Variants in MPDZ observed in about 807,000 individuals in gnomAD.
MPDZ encodes the protein multiple PDZ domain protein.
Under a neutral mutation model 239.1 loss-of-function variants are expected in MPDZ, and 234 were observed. That is an observed-to-expected ratio of 0.98 (90% confidence interval 0.88 to 1.09). The LOEUF (loss-of-function observed/expected upper bound fraction) is 1.09. MPDZ is among the 50% of genes least tolerant of loss of function. MPDZ has a pLI of 0.00. For synonymous variants in MPDZ, 1,048 were observed against 881.3 expected, an observed-to-expected ratio of 1.19 and a Z score of -3.35; for missense variants, 3,175 against 2,510.0, an observed-to-expected ratio of 1.26 and a Z score of -5.66.
At chr9:13,113,198 A>G (rs1942793572) in intron 41 of MPDZ, 144 bp from the exon 42 acceptor site, 1 of 655,404 alleles carries the variant, frequency 1.5e-6, no homozygotes, top group Admixed American at 3.0e-5. Context: ...AGTACACATG[A>G]TTAGATCTGT....
At chr9:13,192,430 C>A (rs549860576) in intron 14 of MPDZ, 135 bp from the exon 15 acceptor site, 2 of 708,012 alleles carry the variant, frequency 2.8e-6, no homozygotes, top group Admixed American at 3.0e-5. Context: ...TATAGTGAGA[C>A]CTGTGGAAAT....
chr9:13,170,586 T>C (rs566837991), intron 21 of MPDZ, among the ~76,000 whole-genome samples: 11 of 152,246 alleles, frequency 7.2e-5, no homozygotes, highest in African/African-American at 2.6e-4. Flanking sequence ...TTTGGTAAAA[T>C]AAAAATGTGT....
chr9:13,247,619 GTGAA>G lies in MPDZ; in HGVS notation c.183+12_183+15del, dbSNP rs1966842067. The G allele has an allele frequency of 6.3e-7, 1 of 1,599,880 alleles. No homozygotes were observed. Among genetic ancestry groups the G allele is most frequent in the African/African-American group, 1.3e-5 (1 of 74,866 alleles). On this transcript the variant is annotated intron_variant, in intron 3 of 46. Coordinates refer to ENST00000319217, the MANE Select transcript of MPDZ (RefSeq NM_001378778.1). Reference sequence around the variant, plus strand: ...TGCCATGTCGTGAATGCCTGCTTGGGTGAATGATGTCCTACCTGGTCTTTCAGCT... The same window carrying G: ...TGCCATGTCGTGAATGCCTGCTTGGGTGATGTCCTACCTGGTCTTTCAGCT...
intron 38 of MPDZ, among the ~76,000 whole-genome samples, chr9:13,121,221 TA>T (rs1944296525): frequency 6.6e-6 from 1 of 152,164 alleles, no homozygotes; most frequent in Admixed American, 6.5e-5. Context: ...CACTCTCCTT[TA>T]ATAAACCAAT....
In MPDZ at chr9:13,219,693, C is replaced by T; in HGVS notation, c.952G>A (p.Val318Ile). The T allele has an allele frequency of 6.2e-7, 1 of 1,612,816 alleles. No individual in the cohort carries two copies. Among genetic ancestry groups the T allele is most frequent in the African/African-American group, 1.3e-5 (1 of 74,966 alleles). ...CCACATTGCCTAAGGACTTGTGCTACTTGCTCACTGCTCATTCCTGCTAGA... is the reference window on the plus strand; with the variant it reads ...CCACATTGCCTAAGGACTTGTGCTATTTGCTCACTGCTCATTCCTGCTAGA... The part of the protein sequence containing the change: ...TDLAGMSSEQ[V>I]AQVLRQCGNR... Residue 318 changes from valine to isoleucine, a missense_variant, in exon 8 of 47, where the codon GTA (valine) becomes ATA (isoleucine). Coordinates refer to ENST00000319217, the MANE Select transcript of MPDZ (RefSeq NM_001378778.1).
chr9:13,229,088 C>T (rs1339287942), intron 3 of MPDZ, among the ~76,000 whole-genome samples: 1 of 152,068 alleles, frequency 6.6e-6, no homozygotes, highest in Non-Finnish European at 1.5e-5. Flanking sequence ...TCCAAGAAAA[C>T]ATAATTTATC....
intron 32 of MPDZ, 61 bp from the exon 33 acceptor site, chr9:13,126,833 G>T: frequency 7.3e-7 from 1 of 1,373,394 alleles, no homozygotes; most frequent in Non-Finnish European, 1.0e-6. Context: ...TATCCAAATG[G>T]ATACCAAGGG....
At chr9:13,142,023 G>A (rs879275322) in intron 27 of MPDZ, among the ~76,000 whole-genome samples, 10 of 152,024 alleles carry the variant, frequency 6.6e-5, no homozygotes, top group Admixed American at 6.6e-4. Flanking sequence ...CATTATCATA[G>A]TAAAGAGGAG....
chr9:13,223,536 G>A (rs746285545), intron 5 of MPDZ, 35 bp downstream of exon 5: 3 of 1,564,980 alleles, frequency 1.9e-6, no homozygotes, highest in African/African-American at 1.4e-5. Context: ...CAGAATGTGG[G>A]ATCAAAAACA....
At chr9:13,248,961 A>G (rs1967084594) in intron 2 of MPDZ, among the ~76,000 whole-genome samples, 1 of 120,552 alleles carries the variant, frequency 8.3e-6, no homozygotes, top group Admixed American at 1.1e-4. Context: ...CGACAGAGTG[A>G]GTGAGACTCC....
intron 1 of MPDZ, among the ~76,000 whole-genome samples, chr9:13,262,977 G>C (rs577438379): frequency 7.9e-5 from 12 of 152,246 alleles, no homozygotes; most frequent in Middle Eastern, 3.4e-3. Context: ...CAAATGGAAG[G>C]AGTAGCCGCA....
intron 8 of MPDZ, among the ~76,000 whole-genome samples, chr9:13,217,684 T>A (rs1408348454): frequency 6.6e-6 from 1 of 151,876 alleles, no homozygotes; most frequent in Non-Finnish European, 1.5e-5. Context: ...ATCAACAAGT[T>A]AAATCTAGCT....
chr9:13,216,923 T>G, intron 9 of MPDZ, 61 bp from the exon 10 acceptor site: 1 of 1,278,404 alleles, frequency 7.8e-7, no homozygotes, highest in Admixed American at 1.9e-5. Context: ...AATATCCATC[T>G]TCGATTCTCC....
chr9:13,107,065 A>T lies in MPDZ; in HGVS notation c.6113T>A (p.Ile2038Asn). Residue 2038 changes from isoleucine to asparagine, a missense_variant, in exon 47 of 47, where the codon ATT becomes AAT. Ile to Asn is a moderately radical substitution (Grantham distance 149). Coordinates refer to ENST00000319217, the MANE Select transcript of MPDZ (RefSeq NM_001378778.1). Reference protein sequence around the residue: ...DGRLKRGDQIIAVNGQSLEGV... With the variant: ...DGRLKRGDQINAVNGQSLEGV... Reference sequence around the variant, plus strand: ...TTCTAGACTCTGCCCATTGACAGCAATGATCTGATCGCCCCTTTTCAGACG... The same window carrying T: ...TTCTAGACTCTGCCCATTGACAGCATTGATCTGATCGCCCCTTTTCAGACG... 1 of 1,603,812 alleles carries T rather than the reference A, an allele frequency of 6.2e-7. No homozygotes were observed. The highest frequency in any genetic ancestry group is 8.5e-7 in the Non-Finnish European group (1 of 1,172,178).
intron 19 of MPDZ, among the ~76,000 whole-genome samples, chr9:13,180,884 A>T (rs1953218989): frequency 1.3e-5 from 2 of 152,194 alleles, no homozygotes; most frequent in Non-Finnish European, 2.9e-5. Flanking sequence ...AAAGTAAAGC[A>T]GAATGGACCC....
chr9:13,220,834 T>G (rs1959017139), intron 7 of MPDZ, among the ~76,000 whole-genome samples: 1 of 151,986 alleles, frequency 6.6e-6, no homozygotes, highest in East Asian at 1.9e-4. Context: ...ACAAATGTGT[T>G]AAATCTTTTC....
intron 1 of MPDZ, among the ~76,000 whole-genome samples, chr9:13,253,259 T>C (rs1968585052): frequency 6.7e-6 from 1 of 150,214 alleles, no homozygotes; most frequent in Non-Finnish European, 1.5e-5. Context: ...GAGAGAGCTC[T>C]ACTCTTTTGT....
intron 24 of MPDZ, among the ~76,000 whole-genome samples, chr9:13,154,381 T>C (rs1292055134): frequency 6.6e-6 from 1 of 152,090 alleles, no homozygotes; most frequent in Non-Finnish European, 1.5e-5. Context: ...TTAAAAAGAA[T>C]GAAATTCAGG....
At chr9:13,248,346 T>C (rs1966885341) in intron 2 of MPDZ, among the ~76,000 whole-genome samples, 1 of 151,732 alleles carries the variant, frequency 6.6e-6, no homozygotes, top group Non-Finnish European at 1.5e-5. Flanking sequence ...GCAAACAAAA[T>C]AGCATATTTA....
Sources: allele counts gnomAD v4.1 joint callset (sites outside exome capture counted in the v4.1 genomes callset), GRCh38; gene constraint gnomAD v4.1.1; transcripts MANE v1.5; gene names NCBI Gene and HGNC (gene_info 2026-07-23, HGNC 2026-07-21).